MYO9A: variants seen among roughly 807,000 people sequenced by gnomAD.
MYO9A encodes the protein unconventional myosin-IXa.
In MYO9A, 103 loss-of-function variants were observed where a neutral mutation model predicts 293.3. The ratio of observed to expected loss-of-function variants is 0.35; its 90% CI spans 0.30 to 0.41. The LOEUF (loss-of-function observed/expected upper bound fraction) is 0.41. Among genes scored for constraint, MYO9A ranks in the 10% least tolerant of loss-of-function variants. The pLI, the probability that MYO9A is intolerant of heterozygous loss-of-function variation, is 1.00. For synonymous variants in MYO9A, 1,001 were observed against 1,035.7 expected, an observed-to-expected ratio of 0.97 and a Z score of 0.64; for missense variants, 2,685 against 3,033.0, an observed-to-expected ratio of 0.89 and a Z score of 2.69.
intron 10 of MYO9A, 145 bp from the exon 11 acceptor site, chr15:71,991,382 G>GA (rs377243754): frequency 7.8e-6 from 4 of 514,534 alleles, no homozygotes; most frequent in African/African-American, 5.9e-5. Flanking sequence ...AACATATCAT[G>GA]ACTTAAAAGT....
intron 15 of MYO9A, among the ~76,000 whole-genome samples, chr15:71,950,026 AT>A (rs1227205818): frequency 6.6e-6 from 1 of 151,934 alleles, no homozygotes; most frequent in East Asian, 1.9e-4. Flanking sequence ...TATTTTAAAA[AT>A]TTTTTTCCAG....
chr15:71,906,758 C>CTTTTTTTTTTTTTTTTTTTTTTTTT (rs71131714), intron 19 of MYO9A, among the ~76,000 whole-genome samples: 7 of 61,012 alleles, frequency 1.1e-4, no homozygotes, highest in African/African-American at 3.2e-4. Context: ...CCATTTCTTT[C>CTTTTTTTTTTTTTTTTTTTTTTTTT]TTTTTTTTTT....
intron 9 of MYO9A, chr15:71,998,876 A>T (rs1374859426): frequency 6.6e-6 from 1 of 151,950 alleles, no homozygotes; most frequent in Non-Finnish European, 1.5e-5. Context: ...ATGATTTCCA[A>T]TTTCACCCAT....
chr15:71,848,479 C>T lies in MYO9A; in HGVS notation c.6837+366G>A, dbSNP rs189704188. ...CATCCCAGGGGTCTTGGCAGGACCA[C>T]CAAAAGTGACACGATTAAAGGCGGG... On this transcript the variant is annotated intron_variant, in intron 39 of 41. Coordinates refer to ENST00000356056, the MANE Select transcript of MYO9A (RefSeq NM_006901.4). Among the ~76,000 whole-genome samples the T allele has an allele frequency of 4.0e-5, 6 of 151,792 alleles. No homozygotes were observed. The East Asian group carries it at 1.2e-3, about 29-fold the overall frequency.
In MYO9A at chr15:72,117,571, G is replaced by A. The variant is rs184880743; in HGVS notation, c.-72+109C>T. On this transcript the variant is annotated intron_variant, in intron 1 of 41. Transcript: ENST00000356056. ...AGGCTCGGCGCAGACCCGCTCGCGG[G>A]GCGTCTCCGCTGGGACGGGGCGGGG... is the stretch of plus-strand genomic sequence containing the variant. 808 of 378,614 alleles carry A rather than the reference G, an allele frequency of 2.1e-3. 9 individuals are homozygous for A. In the East Asian group the frequency reaches 0.029, roughly 13 times the overall value. The allele number at this position is 378,614 out of a possible 1,614,324, so 23.5% of individuals were successfully genotyped here.
chr15:71,912,303 T>TG (rs1258407298), intron 19 of MYO9A, among the ~76,000 whole-genome samples: 2 of 151,832 alleles, frequency 1.3e-5, no homozygotes, highest in African/African-American at 2.4e-5. Flanking sequence ...TTGTCCAGGC[T>TG]GGAGTGCAGT....
At chr15:72,117,561 C>T (rs2081040678) in intron 1 of MYO9A, 119 bp downstream of exon 1, 1 of 372,224 alleles carries the variant, frequency 2.7e-6, no homozygotes, top group Non-Finnish European at 4.8e-6. Flanking sequence ...CGGCGCAGAC[C>T]CGCTCGCGGG....
chr15:71,885,656 T>C (rs1008776919), intron 27 of MYO9A, among the ~76,000 whole-genome samples: 2 of 152,142 alleles, frequency 1.3e-5, no homozygotes, highest in Admixed American at 1.3e-4. Context: ...CAACATGTCT[T>C]TTGGTATGGG....
chr15:72,080,214 A>G (rs1040855486), intron 1 of MYO9A, among the ~76,000 whole-genome samples: 16 of 152,108 alleles, frequency 1.1e-4, no homozygotes, highest in African/African-American at 3.9e-4. Context: ...AGTATCCATT[A>G]TATCAGAATA....
intron 41 of MYO9A, among the ~76,000 whole-genome samples, chr15:71,827,469 G>C (rs1363024055): frequency 6.6e-6 from 1 of 151,934 alleles, no homozygotes; most frequent in Non-Finnish European, 1.5e-5. Flanking sequence ...TGTGATTATT[G>C]GCTTTTCTCT....
At chr15:72,084,677 G>A (rs1327423717) in intron 1 of MYO9A, among the ~76,000 whole-genome samples, 1 of 152,194 alleles carries the variant, frequency 6.6e-6, no homozygotes, top group Non-Finnish European at 1.5e-5. Flanking sequence ...AATTCCCTCA[G>A]CAATTACATG....
chr15:71,880,642 T>A, intron 28 of MYO9A, 84 bp from the exon 29 acceptor site: 1 of 1,240,796 alleles, frequency 8.1e-7, no homozygotes, highest in Non-Finnish European at 1.1e-6. Context: ...AAAGTTCCTT[T>A]AACAAGTCAC....
chr15:71,829,932 T>C (rs139342391), intron 40 of MYO9A, among the ~76,000 whole-genome samples, 177 bp downstream of exon 40: 20 of 152,206 alleles, frequency 1.3e-4, no homozygotes, highest in African/African-American at 4.8e-4. Flanking sequence ...AGGGAACAAC[T>C]CTCACACTGT....
chr15:71,888,134 G>A lies in MYO9A; in HGVS notation c.5143-18C>T. The A allele has an allele frequency of 1.4e-6, 2 of 1,407,196 alleles. No individual in the cohort carries two copies. Among genetic ancestry groups the A allele is most frequent in the East Asian group, 2.3e-5 (1 of 43,444 alleles). The allele number at this position is 1,407,196 out of a possible 1,614,324, so 87.2% of individuals were successfully genotyped here. ...TGTGATGTCTGTAATAATTACATAT[G>A]TGAAAGATTTAATGCCAAGTAAATA... On this transcript the variant is annotated intron_variant, in intron 26 of 41. Coordinates refer to ENST00000356056, the MANE Select transcript of MYO9A (RefSeq NM_006901.4).
chr15:71,832,886 C>T (rs181190232), intron 39 of MYO9A, among the ~76,000 whole-genome samples: 1 of 152,188 alleles, frequency 6.6e-6, no homozygotes, highest in Admixed American at 6.5e-5. Flanking sequence ...CATATTAAAA[C>T]ACCTGTATTA....
intron 4 of MYO9A, among the ~76,000 whole-genome samples, chr15:72,023,464 G>A (rs1383214634): frequency 1.3e-5 from 2 of 152,028 alleles, no homozygotes; most frequent in African/African-American, 4.8e-5. Flanking sequence ...AGGCAGAGGT[G>A]GGTGGATCAC....
chr15:72,029,665 G>T (rs1361312573), intron 3 of MYO9A, among the ~76,000 whole-genome samples: 2 of 152,264 alleles, frequency 1.3e-5, no homozygotes, highest in East Asian at 3.9e-4. Flanking sequence ...TATGCCAGAA[G>T]AACGAACTTT....
chr15:72,063,816 G>T (rs936534798), intron 1 of MYO9A, among the ~76,000 whole-genome samples: 2 of 152,158 alleles, frequency 1.3e-5, no homozygotes, highest in Non-Finnish European at 2.9e-5. Context: ...ATACCCAAAA[G>T]AACGGAAATC....
chr15:71,980,440 G>T (rs1175351165), intron 11 of MYO9A, among the ~76,000 whole-genome samples: 2 of 152,136 alleles, frequency 1.3e-5, no homozygotes, highest in Non-Finnish European at 2.9e-5. Context: ...AGCTCATTGT[G>T]ATTTTAGCTT....
Sources: allele counts gnomAD v4.1 joint callset (sites outside exome capture counted in the v4.1 genomes callset), GRCh38; gene constraint gnomAD v4.1.1; transcripts MANE v1.5; gene names NCBI Gene and HGNC (gene_info 2026-07-23, HGNC 2026-07-21).